Variants in GABRG3 observed in about 807,000 individuals in gnomAD.
The protein encoded by GABRG3 is gamma-aminobutyric acid type A receptor subunit gamma3.
GABRG3 carries 25 observed loss-of-function variants against 48.8 expected under a neutral mutation model. That is an observed-to-expected ratio of 0.51 (90% CI 0.37 to 0.72). The LOEUF (loss-of-function observed/expected upper bound fraction) is 0.72, where lower values mean the gene tolerates loss of function less well. GABRG3 is among the 30% of genes least tolerant of loss of function. GABRG3 has a pLI of 0.00. For synonymous variants in GABRG3, 227 were observed against 217.6 expected (o/e 1.04, Z -0.38); for missense variants, 394 against 577.9 (o/e 0.68, Z 3.26).
intron 3 of GABRG3, among the ~76,000 whole-genome samples, chr15:27,183,782 G>GT (rs1888007588): frequency 6.6e-6 from 1 of 152,112 alleles, no homozygotes. Flanking sequence ...AATTTTAAGC[G>GT]TATTAATCAG....
chr15:27,230,186 T>C (rs375932741), intron 3 of GABRG3, among the ~76,000 whole-genome samples: 23 of 152,212 alleles, frequency 1.5e-4, no homozygotes, highest in African/African-American at 5.5e-4. Flanking sequence ...GCCTTTCTGA[T>C]TTGACTCTCA....
chr15:27,511,970 G>T (rs1018041412), intron 6 of GABRG3, among the ~76,000 whole-genome samples: 10 of 152,216 alleles, frequency 6.6e-5, no homozygotes, highest in African/African-American at 2.2e-4. Context: ...AAGATCAAGT[G>T]TGTGGGGGAC....
intron 5 of GABRG3, among the ~76,000 whole-genome samples, chr15:27,418,493 G>A (rs1276356429): frequency 1.3e-5 from 2 of 152,158 alleles, no homozygotes; most frequent in Non-Finnish European, 2.9e-5. Context: ...CCTCCGCAGA[G>A]ACAGGCACCA....
chr15:27,443,966 T>C (rs1888866763), intron 5 of GABRG3, among the ~76,000 whole-genome samples: 1 of 152,216 alleles, frequency 6.6e-6, no homozygotes, highest in Non-Finnish European at 1.5e-5. Flanking sequence ...ACAAATGTTA[T>C]AGTAATTTCC....
chr15:27,098,696 C>T (rs887636596), intron 3 of GABRG3, among the ~76,000 whole-genome samples: 7 of 151,988 alleles, frequency 4.6e-5, no homozygotes, highest in South Asian at 2.1e-4. Context: ...TCTACTTGTC[C>T]AAGTAAATTA....
chr15:27,512,096 C>T (rs28445133), intron 6 of GABRG3, among the ~76,000 whole-genome samples: 82,834 of 151,888 alleles, frequency 0.55, 22,808 homozygotes, highest in East Asian at 0.68. Flanking sequence ...GATAGAAAGT[C>T]CCTGGAGTGA....
chr15:27,088,128 C>T (rs886360287), intron 3 of GABRG3, among the ~76,000 whole-genome samples: 2 of 134,864 alleles, frequency 1.5e-5, no homozygotes, highest in Non-Finnish European at 3.3e-5. Context: ...TGTGTGTGTG[C>T]ACGCATGTGT....
chr15:27,049,137 G>T (rs1896413318), intron 3 of GABRG3, among the ~76,000 whole-genome samples: 2 of 152,224 alleles, frequency 1.3e-5, no homozygotes, highest in African/African-American at 2.4e-5. Flanking sequence ...GCACATGCAG[G>T]GTTGGGTTTA....
At chr15:27,162,232 G>C (rs1452960751) in intron 3 of GABRG3, among the ~76,000 whole-genome samples, 2 of 152,170 alleles carry the variant, frequency 1.3e-5, no homozygotes, top group Non-Finnish European at 2.9e-5. Flanking sequence ...CGGTGAACTT[G>C]ATTCATTAGC....
intron 2 of GABRG3, among the ~76,000 whole-genome samples, chr15:26,996,922 G>A (rs988408452): frequency 6.6e-6 from 1 of 152,166 alleles, no homozygotes. Flanking sequence ...AAAGTGCTGG[G>A]ATTACAGGTG....
At chr15:27,357,849 T>C (rs911304647) in intron 5 of GABRG3, among the ~76,000 whole-genome samples, 9 of 152,326 alleles carry the variant, frequency 5.9e-5, no homozygotes, top group Admixed American at 3.9e-4. Context: ...AGTTTAATTC[T>C]AATGTGGAAC....
chr15:26,977,606 C>T (rs1894975802), intron 2 of GABRG3, among the ~76,000 whole-genome samples: 1 of 152,104 alleles, frequency 6.6e-6, no homozygotes, highest in Non-Finnish European at 1.5e-5. Context: ...TTTCTTTATT[C>T]AGCAAAATGA....
At chr15:27,442,905 G>T (rs1488609630) in intron 5 of GABRG3, among the ~76,000 whole-genome samples, 1 of 152,212 alleles carries the variant, frequency 6.6e-6, no homozygotes, top group Non-Finnish European at 1.5e-5. Flanking sequence ...GCTGCCCAAT[G>T]CCAGAGCCTT....
intron 3 of GABRG3, among the ~76,000 whole-genome samples, chr15:27,182,480 A>C (rs1191711460): frequency 6.6e-6 from 1 of 152,230 alleles, no homozygotes; most frequent in Admixed American, 6.5e-5. Context: ...ATGTAGCAGG[A>C]AATCAAGCTG....
chr15:27,271,032 A>C (rs1891068025), intron 3 of GABRG3, among the ~76,000 whole-genome samples: 1 of 152,110 alleles, frequency 6.6e-6, no homozygotes, highest in East Asian at 1.9e-4. Context: ...CTGGGTGGTG[A>C]GGATTGTTAT....
intron 5 of GABRG3, among the ~76,000 whole-genome samples, chr15:27,445,101 G>C (rs1016064137): frequency 6.6e-6 from 1 of 152,164 alleles, no homozygotes; most frequent in African/African-American, 2.4e-5. Flanking sequence ...TCGAACTCCT[G>C]ACCTGAGGTG....
At chr15:27,093,236 T>A (rs1430444719) in intron 3 of GABRG3, among the ~76,000 whole-genome samples, 1 of 152,124 alleles carries the variant, frequency 6.6e-6, no homozygotes, top group East Asian at 1.9e-4. Context: ...AGGAGAGCTG[T>A]GATGAAGTGG....
chr15:27,308,599 CATA>C (rs1018646047), intron 3 of GABRG3, among the ~76,000 whole-genome samples: 5 of 142,076 alleles, frequency 3.5e-5, no homozygotes, highest in African/African-American at 1.2e-4. Flanking sequence ...TATATATAAA[CATA>C]ATGTAAACAT....
chr15:27,049,830 G>A (rs12595637), intron 3 of GABRG3, among the ~76,000 whole-genome samples: 2 of 152,212 alleles, frequency 1.3e-5, no homozygotes, highest in South Asian at 2.1e-4. Flanking sequence ...AGTGAGCGGG[G>A]ATGAAAGGTC....
Sources: gnomAD v4.1 joint callset for allele counts (sites outside exome capture counted in the v4.1 genomes callset) on GRCh38, gnomAD v4.1.1 for gene constraint, MANE v1.5 for transcripts, NCBI Gene and HGNC (gene_info 2026-07-23, HGNC 2026-07-21) for gene names.